The following DNAJC6 variants were observed in gnomAD, a reference collection of about 807,000 sequenced individuals.
The protein encoded by DNAJC6 is auxilin.
DNAJC6 carries 34 observed loss-of-function variants against 110.0 expected under a neutral mutation model. The ratio of observed to expected loss-of-function variants is 0.31; its 90% CI spans 0.24 to 0.41. DNAJC6 has a LOEUF of 0.41. Ranked by LOEUF, DNAJC6 falls within the 10% of genes least tolerant of loss-of-function variation. The pLI is 1.00. For synonymous variants in DNAJC6, 406 were observed against 437.2 expected, an observed-to-expected ratio of 0.93 and a Z score of 0.89; for missense variants, 1,031 against 1,207.8, an observed-to-expected ratio of 0.85 and a Z score of 2.17.
intron 1 of DNAJC6, among the ~76,000 whole-genome samples, chr1:65,356,356 G>T (rs1645543381): frequency 6.6e-6 from 1 of 151,972 alleles, no homozygotes; most frequent in Non-Finnish European, 1.5e-5. Context: ...CCAATCACCT[G>T]AGGTTAGGAG....
At chr1:65,365,848 T>A (rs199908396) in intron 2 of DNAJC6, 37 bp from the exon 3 acceptor site, 1 of 1,604,518 alleles carries the variant, frequency 6.2e-7, no homozygotes, top group South Asian at 1.1e-5. Flanking sequence ...CATATTTGGA[T>A]CATTTTAATG....
Position 65,413,160 on chromosome 1 carries a change from T to A in DNAJC6, c.*135T>A. 1.5e-6 allele frequency: 1 copy of A among 665,962 alleles called. No homozygotes were observed. The highest frequency in any genetic ancestry group is 2.5e-6 in the Non-Finnish European group (1 of 397,884). 41.3% of individuals were successfully genotyped at this position (665,962 alleles called of 1,614,324 possible). The stretch of plus-strand genomic sequence containing the variant: ...CTAAACCGTTAAGTTACTCATGAAT[T>A]AATTTCTCATTGATAAGGAATGTGG... On this transcript the variant is annotated 3_prime_UTR_variant, in exon 19 of 19. Coordinates refer to ENST00000371069, the MANE Select transcript of DNAJC6 (RefSeq NM_001256864.2).
intron 1 of DNAJC6, among the ~76,000 whole-genome samples, chr1:65,317,857 G>A (rs1306471551): frequency 2.0e-5 from 3 of 152,184 alleles, no homozygotes; most frequent in Admixed American, 6.5e-5. Context: ...TTTTAACCAG[G>A]AAGACTAAAG....
At chr1:65,305,894 A>G (rs913154053), upstream of DNAJC6, among the ~76,000 whole-genome samples, 4 of 151,986 alleles carry the variant, frequency 2.6e-5, no homozygotes, top group Non-Finnish European at 4.4e-5. Context: ...AATAGATAGC[A>G]TATGTTAAGC....
intron 1 of DNAJC6, among the ~76,000 whole-genome samples, chr1:65,301,363 C>G (rs990872862): frequency 6.6e-6 from 1 of 152,154 alleles, no homozygotes; most frequent in Non-Finnish European, 1.5e-5. Context: ...GCAGTGGACA[C>G]CAGCTGCGTG....
At chr1:65,354,679 G>A (rs570942532) in intron 1 of DNAJC6, among the ~76,000 whole-genome samples, 6 of 152,196 alleles carry the variant, frequency 3.9e-5, no homozygotes, top group African/African-American at 7.2e-5. Flanking sequence ...ATGTGTGCAC[G>A]TACAGATTTC....
chr1:65,409,978 A>G (rs1445080999), intron 17 of DNAJC6, among the ~76,000 whole-genome samples: 1 of 152,182 alleles, frequency 6.6e-6, no homozygotes, highest in African/African-American at 2.4e-5. Context: ...AAGATGTTGT[A>G]TGGACAGGCG....
At chr1:65,320,246 A>G (rs527808549) in intron 1 of DNAJC6, among the ~76,000 whole-genome samples, 1 of 152,326 alleles carries the variant, frequency 6.6e-6, no homozygotes, top group East Asian at 1.9e-4. Flanking sequence ...TTACTAATCC[A>G]CAGCCCGAGA....
At position 65,411,318 on chromosome 1, in the gene DNAJC6, A is replaced by G. The variant is rs780405488; in HGVS notation, c.2703A>G (p.Leu901=). The G allele has an allele frequency of 2.5e-5, 41 of 1,614,058 alleles. No individual in the cohort carries two copies. Among genetic ancestry groups the G allele is most frequent in the Non-Finnish European group, 3.2e-5 (38 of 1,180,028 alleles). Residue 901 remains leucine (L), a synonymous_variant, in exon 18 of 19, where the codon CTA becomes CTG. Coordinates refer to ENST00000371069, the MANE Select transcript of DNAJC6 (RefSeq NM_001256864.2). ...RALLSTMHTV[L]WAGETKWKPV... ...TTCTTTCCACGATGCATACCGTACT[A>G]TGGGCTGGGGAGACCAAGTGGAAAC... is the stretch of plus-strand genomic sequence containing the variant.
At chr1:65,312,779 G>A (rs1001093495) in intron 1 of DNAJC6, among the ~76,000 whole-genome samples, 7 of 152,134 alleles carry the variant, frequency 4.6e-5, no homozygotes, top group Non-Finnish European at 8.8e-5. Flanking sequence ...CTGCATTATT[G>A]TTACTCGCTG....
chr1:65,369,137 TTCTC>T (rs1645681571), intron 4 of DNAJC6, among the ~76,000 whole-genome samples: 1 of 152,092 alleles, frequency 6.6e-6, no homozygotes, highest in African/African-American at 2.4e-5. Context: ...GCTTTTCCAA[TTCTC>T]TCTCCTAAAA....
In DNAJC6 at chr1:65,389,763, G is replaced by A. The variant is rs1189549113; in HGVS notation, c.1468+136G>A. 6.5e-6 allele frequency: 6 copies of A among 919,722 alleles called. No individual in the cohort carries two copies. In the African/African-American group the frequency reaches 8.2e-5, roughly 13 times the overall value. 57.0% of individuals were successfully genotyped at this position (919,722 alleles called of 1,614,324 possible). A position where few individuals can be genotyped will look rare whatever the true frequency, so the allele number is the denominator to read the frequency against. On this transcript the variant is annotated intron_variant, in intron 11 of 18. Coordinates refer to ENST00000371069, the MANE Select transcript of DNAJC6 (RefSeq NM_001256864.2). ...AATCCAGGCACACGGACTCCCACCT[G>A]TAAGCCCAGCACTTTGGAAGGCCAG... is the stretch of plus-strand genomic sequence containing the variant.
At chr1:65,280,193 A>G (rs962743244) in intron 1 of DNAJC6, among the ~76,000 whole-genome samples, 1 of 152,238 alleles carries the variant, frequency 6.6e-6, no homozygotes, top group Non-Finnish European at 1.5e-5. Flanking sequence ...GAAAATTCAG[A>G]AAAGCACAGA....
At chr1:65,398,610 C>T (rs1455513603) in intron 13 of DNAJC6, among the ~76,000 whole-genome samples, 3 of 152,144 alleles carry the variant, frequency 2.0e-5, no homozygotes, top group African/African-American at 7.2e-5. Flanking sequence ...TTCTGTCAAG[C>T]CTCATGTGAA....
Position 65,394,958 on chromosome 1 carries a change from C to A in DNAJC6, c.1964C>A (p.Ser655Tyr). 6.2e-7 allele frequency: 1 copy of A among 1,612,624 alleles called. No individual in the cohort carries two copies. The highest frequency in any genetic ancestry group is 2.2e-5 in the East Asian group (1 of 44,716). Reference protein sequence around the residue: ...SKPSGQDLLGSFLNTSSASSD... With the variant: ...SKPSGQDLLGYFLNTSSASSD... Reference sequence around the variant, plus strand: ...CCATCAGGTCAGGATTTGCTGGGTTCTTTTCTGAACACATCCAGTGCTTCC... The same window carrying A: ...CCATCAGGTCAGGATTTGCTGGGTTATTTTCTGAACACATCCAGTGCTTCC... The change falls in exon 13 of 19, where the codon TCT (serine) becomes TAT (tyrosine). Residue 655 changes from serine to tyrosine, a missense_variant. Ser to Tyr is a moderately radical substitution (Grantham distance 144). Coordinates refer to ENST00000371069, the MANE Select transcript of DNAJC6 (RefSeq NM_001256864.2).
chr1:65,405,203 A>ATCATTT, intron 15 of DNAJC6, among the ~76,000 whole-genome samples: 1 of 152,332 alleles, frequency 6.6e-6, no homozygotes, highest in East Asian at 1.9e-4. Context: ...ACAAAATAAC[A>ATCATTT]TCATTTTCAA....
chr1:65,364,753 C>T lies in DNAJC6; in HGVS notation c.312C>T (p.Asp104=). The part of the protein sequence containing the change: ...LKDNLKDTLK[D]TSSRVIQSVT... ...ACAACTTGAAAGACACCCTCAAAGA[C>T]ACATCTTCTAGAGTGATACAATCTG... is the stretch of plus-strand genomic sequence containing the variant. Residue 104 remains aspartate (D), a synonymous_variant, in exon 2 of 19, where the codon GAC becomes GAT. Transcript: ENST00000371069. The T allele has an allele frequency of 6.2e-7, 1 of 1,613,086 alleles. No individual in the cohort carries two copies. The highest frequency in any genetic ancestry group is 1.7e-4 in the Middle Eastern group (1 of 6,046).
intron 1 of DNAJC6, among the ~76,000 whole-genome samples, chr1:65,341,479 C>A (rs2101486466): frequency 6.6e-6 from 1 of 152,270 alleles, no homozygotes. Flanking sequence ...CAGAGGAGAA[C>A]AGATGCTGCT....
intron 1 of DNAJC6, among the ~76,000 whole-genome samples, chr1:65,281,192 G>T (rs1653832064): frequency 6.6e-6 from 1 of 152,086 alleles, no homozygotes; most frequent in Non-Finnish European, 1.5e-5. Flanking sequence ...CTCCCAAAGT[G>T]ACGGGATTAC....
Sources: allele counts gnomAD v4.1 joint callset (sites outside exome capture counted in the v4.1 genomes callset), GRCh38; gene constraint gnomAD v4.1.1; transcripts MANE v1.5; gene names NCBI Gene and HGNC (gene_info 2026-07-23, HGNC 2026-07-21).